Variants in ATP2A1 observed in about 807,000 individuals in gnomAD.
The protein encoded by ATP2A1 is ATPase sarcoplasmic/endoplasmic reticulum Ca2+ transporting 1.
ATP2A1 carries 83 observed loss-of-function variants against 109.5 expected under a neutral mutation model. The observed-to-expected ratio is 0.76, with a 90% CI of 0.63 to 0.91. ATP2A1 has a LOEUF of 0.91. Ranked by LOEUF, ATP2A1 falls within the 40% of genes least tolerant of loss-of-function variation. The pLI is 0.00. For synonymous variants in ATP2A1, 505 were observed against 537.6 expected, an observed-to-expected ratio of 0.94 and a Z score of 0.84; for missense variants, 1,101 against 1,341.0, an observed-to-expected ratio of 0.82 and a Z score of 2.80.
Position 28,902,886 on chromosome 16 carries a change from A to G in ATP2A1, c.2719A>G (p.Ile907Val). 1.2e-6 allele frequency: 2 copies of G among 1,613,780 alleles called. No individual in the cohort carries two copies. Among genetic ancestry groups the G allele is most frequent in the Non-Finnish European group, 1.7e-6 (2 of 1,179,930 alleles). ...MTMALSVLVTIEMCNALNSLS... is the reference protein window; with the variant it reads ...MTMALSVLVTVEMCNALNSLS... Reference sequence around the variant, plus strand: ...CATGGCCCTGTCCGTGCTGGTGACCATCGAGATGTGCAATGCACTGAACAG... The same window carrying G: ...CATGGCCCTGTCCGTGCTGGTGACCGTCGAGATGTGCAATGCACTGAACAG... The change falls in exon 19 of 23, where the codon ATC becomes GTC. Residue 907 changes from isoleucine (I) to valine (V), a missense_variant. Physicochemically the swap from Ile to Val is conservative, Grantham distance 29. Coordinates refer to ENST00000395503, the MANE Select transcript of ATP2A1 (RefSeq NM_004320.6). This position sits in a 1 kb window ranked among gnomAD's most constrained non-coding sequence, Gnocchi z 4.8.
Position 28,903,035 on chromosome 16 carries a change from C to A in ATP2A1, c.2750C>A (p.Ser917Tyr). 6.2e-7 allele frequency: 1 copy of A among 1,613,882 alleles called. No individual in the cohort carries two copies. Residue 917 changes from serine (S) to tyrosine (Y), a missense_variant, in exon 20 of 23, where the codon TCC becomes TAC. Physicochemically the swap from Ser to Tyr is moderately radical, Grantham distance 144. Coordinates refer to ENST00000395503, the MANE Select transcript of ATP2A1 (RefSeq NM_004320.6). The surrounding 1 kb of genome is among the most constrained non-coding windows in gnomAD (Gnocchi z 5.6). ...IEMCNALNSL[S>Y]ENQSLLRMPP... ...CCTCCCCTTCCCCTCTGCAGCCTGTCCGAGAACCAGTCCCTGCTGCGGATG... is the reference window on the plus strand; with the variant it reads ...CCTCCCCTTCCCCTCTGCAGCCTGTACGAGAACCAGTCCCTGCTGCGGATG...
At chr16:28,900,960 G>A in intron 15 of ATP2A1, 44 bp downstream of exon 15, 3 of 1,609,768 alleles carry the variant, frequency 1.9e-6, no homozygotes, top group Non-Finnish European at 2.5e-6. Context: ...CCACGGAGAT[G>A]ACCAGATGAC....
chr16:28,902,787 A>T lies in ATP2A1; in HGVS notation c.2620A>T (p.Met874Leu). The T allele has an allele frequency of 6.2e-7, 1 of 1,613,704 alleles. No individual in the cohort carries two copies. The highest frequency in any genetic ancestry group is 8.5e-7 in the Non-Finnish European group (1 of 1,179,880). ...HVNYSQLTHF[M>L]QCTEDNTHFE... ...CGTACCTTCCCTGCAGACTCACTTC[A>T]TGCAGTGCACCGAGGACAACACCCA... The change falls in exon 19 of 23, where the codon ATG (methionine) becomes TTG (leucine). Residue 874 changes from methionine (M) to leucine (L), a missense_variant. Transcript: ENST00000395503. This position sits in a 1 kb window ranked among gnomAD's most constrained non-coding sequence, Gnocchi z 4.8.
intron 9 of ATP2A1, among the ~76,000 whole-genome samples, chr16:28,890,333 G>A (rs571558497): frequency 1.1e-4 from 17 of 150,728 alleles, no homozygotes; most frequent in African/African-American, 3.9e-4. Flanking sequence ...TGATGTGGTG[G>A]TGCACACTTG....
In ATP2A1 at chr16:28,903,102, C is replaced by T; in HGVS notation, c.2817C>T (p.Leu939=). 6.2e-7 allele frequency: 1 copy of T among 1,613,846 alleles called. No homozygotes were observed. Among genetic ancestry groups the T allele is most frequent in the Non-Finnish European group, 8.5e-7 (1 of 1,180,016 alleles). ...VNIWLLGSIC[L]SMSLHFLILY... Reference sequence around the variant, plus strand: ...TCTGGCTGCTGGGCTCCATCTGCCTCTCCATGTCCCTGCACTTCCTCATCC... The same window carrying T: ...TCTGGCTGCTGGGCTCCATCTGCCTTTCCATGTCCCTGCACTTCCTCATCC... The change falls in exon 20 of 23, where the codon CTC becomes CTT. Residue 939 remains leucine, a synonymous_variant. Coordinates refer to ENST00000395503, the MANE Select transcript of ATP2A1 (RefSeq NM_004320.6). The surrounding 1 kb of genome is among the most constrained non-coding windows in gnomAD (Gnocchi z 5.6).
intron 8 of ATP2A1, among the ~76,000 whole-genome samples, chr16:28,888,494 G>A (rs1027984360): frequency 2.0e-5 from 3 of 151,970 alleles, no homozygotes; most frequent in Admixed American, 6.6e-5. Flanking sequence ...CTGTAATCTC[G>A]AACTCCTGGA....
intron 2 of ATP2A1, 192 bp from the exon 3 acceptor site, chr16:28,879,309 C>T (rs1323084524): frequency 4.7e-6 from 4 of 851,974 alleles, no homozygotes; most frequent in African/African-American, 1.7e-5. Context: ...GCAGCCAACC[C>T]TTGAACTGCC....
In ATP2A1 at chr16:28,903,542, C is replaced by T; in HGVS notation, c.2980+102C>T. On this transcript the variant is annotated intron_variant, in intron 21 of 22. Coordinates refer to ENST00000395503, the MANE Select transcript of ATP2A1 (RefSeq NM_004320.6). The surrounding 1 kb of genome is among the most constrained non-coding windows in gnomAD (Gnocchi z 5.6). Reference sequence around the variant, plus strand: ...CGTACTTTGCAGGTGGTAAGTTTCTCAGCCCTGGCAGGACCTGTGTCCGCC... The same window carrying T: ...CGTACTTTGCAGGTGGTAAGTTTCTTAGCCCTGGCAGGACCTGTGTCCGCC... 1 of 1,232,754 alleles carries T rather than the reference C, an allele frequency of 8.1e-7. No homozygotes were observed. Among genetic ancestry groups the T allele is most frequent in the Non-Finnish European group, 1.2e-6 (1 of 848,318 alleles). The allele number at this position is 1,232,754 out of a possible 1,614,324, so 76.4% of individuals were successfully genotyped here. A position where few individuals can be genotyped will look rare whatever the true frequency, so the allele number is the denominator to read the frequency against.
At position 28,879,559 on chromosome 16, in the gene ATP2A1, C is replaced by A. The variant is rs1555514587; in HGVS notation, c.195C>A (p.Leu65=). ...EQFEDLLVRI[L]LLAACISFVL... is the part of the protein sequence containing the mutation. ...TTGAAGACCTCCTGGTGCGGATTCT[C>A]CTCCTGGCCGCATGCATTTCCTTCG... The change falls in exon 3 of 23, where the codon CTC becomes CTA. Residue 65 remains leucine (L), a synonymous_variant. Transcript: ENST00000395503. 6.2e-7 allele frequency: 1 copy of A among 1,614,096 alleles called. No individual in the cohort carries two copies. The highest frequency in any genetic ancestry group is 1.6e-4 in the Middle Eastern group (1 of 6,062).
Position 28,880,767 on chromosome 16 carries a change from G to T in ATP2A1, c.220-148G>T, listed in dbSNP as rs1963446685. On this transcript the variant is annotated intron_variant, in intron 3 of 22. Coordinates refer to ENST00000395503, the MANE Select transcript of ATP2A1 (RefSeq NM_004320.6). This position sits in a 1 kb window ranked among gnomAD's most constrained non-coding sequence, Gnocchi z 4.2. The stretch of plus-strand genomic sequence containing the variant: ...TGGATGGACAGACCCTCAGACGGAT[G>T]TGGGGCCACAGCGCCCCGACGGTGC... 1 of 760,268 alleles carries T rather than the reference G, an allele frequency of 1.3e-6. No homozygotes were observed. 47.1% of individuals were successfully genotyped at this position (760,268 alleles called of 1,614,324 possible).
rs1963447291 is a variant in ATP2A1 at position 28,880,779 on chromosome 16, C to A, written c.220-136C>A. 3 of 814,022 alleles carry A rather than the reference C, an allele frequency of 3.7e-6. No individual in the cohort carries two copies. The highest frequency in any genetic ancestry group is 2.6e-5 in the East Asian group (1 of 38,740). 50.4% of individuals were successfully genotyped at this position (814,022 alleles called of 1,614,324 possible). A position where few individuals can be genotyped will look rare whatever the true frequency, so the allele number is the denominator to read the frequency against. ...CCCTCAGACGGATGTGGGGCCACAG[C>A]GCCCCGACGGTGCCCGGCCCTCCTG... On this transcript the variant is annotated intron_variant, in intron 3 of 22. Coordinates refer to ENST00000395503, the MANE Select transcript of ATP2A1 (RefSeq NM_004320.6). The surrounding 1 kb of genome is among the most constrained non-coding windows in gnomAD (Gnocchi z 4.2).
rs1299310866 is a variant in ATP2A1 at position 28,900,629 on chromosome 16, A to G, written c.1813A>G (p.Lys605Glu). 3 of 1,597,586 alleles carry G rather than the reference A, an allele frequency of 1.9e-6. No individual in the cohort carries two copies. The highest frequency in any genetic ancestry group is 2.3e-5 in the South Asian group (2 of 88,748). ...AGTGGGCATGCTGGACCCTCCGCGC[A>G]AGGAGGTCACGGGCTCCATCCAGCT... is the stretch of plus-strand genomic sequence containing the variant. Reference protein sequence around the residue: ...GVVGMLDPPRKEVTGSIQLCR... With the variant: ...GVVGMLDPPREEVTGSIQLCR... The change falls in exon 15 of 23, where the codon AAG becomes GAG. Residue 605 changes from lysine (K) to glutamate (E), a missense_variant. Coordinates refer to ENST00000395503, the MANE Select transcript of ATP2A1 (RefSeq NM_004320.6).
Position 28,903,793 on chromosome 16 carries a change from G to A in ATP2A1, c.*37+52G>A, listed in dbSNP as rs1435501176. The A allele has an allele frequency of 4.7e-6, 7 of 1,497,396 alleles. No homozygotes were observed. The highest frequency in any genetic ancestry group is 1.4e-5 in the African/African-American group (1 of 72,446). 92.8% of individuals were successfully genotyped at this position (1,497,396 alleles called of 1,614,324 possible). ...CAGCTGCTGTGCCCCTGCCACCCGC[G>A]CCCCCTCAGCCCCTTGCGCGTCGCA... is the stretch of plus-strand genomic sequence containing the variant. On this transcript the variant is annotated intron_variant, in intron 22 of 22. Coordinates refer to ENST00000395503, the MANE Select transcript of ATP2A1 (RefSeq NM_004320.6). The surrounding 1 kb of genome is among the most constrained non-coding windows in gnomAD (Gnocchi z 5.6).
At position 28,888,428 on chromosome 16, in the gene ATP2A1, G is replaced by C. The variant is rs146561236; in HGVS notation, c.929-359G>C. On this transcript the variant is annotated intron_variant, in intron 8 of 22. Transcript: ENST00000395503. ...CATTATTGTTTGTTTGTTTAATAGA[G>C]ACAGAGTCTCACTCTTGTTGCCCAG... Among the ~76,000 whole-genome samples the C allele has an allele frequency of 1.9e-3, 288 of 151,920 alleles. 2 individuals carry two copies. The highest frequency in any genetic ancestry group is 3.4e-3 in the Non-Finnish European group (229 of 67,896).
intron 9 of ATP2A1, 126 bp from the exon 10 acceptor site, chr16:28,894,026 TGAG>T (rs1963848800): frequency 1.4e-6 from 1 of 738,944 alleles, no homozygotes; most frequent in Non-Finnish European, 2.4e-6. Flanking sequence ...ACGGGGGGGA[TGAG>T]GAGGGGTGAG....
At chr16:28,890,254 A>G (rs1006863414) in intron 9 of ATP2A1, among the ~76,000 whole-genome samples, 2 of 150,068 alleles carry the variant, frequency 1.3e-5, no homozygotes, top group Admixed American at 1.3e-4. Flanking sequence ...CAGGAATTCG[A>G]GACCAGCCTA....
At position 28,887,224 on chromosome 16, in the gene ATP2A1, G is replaced by T. The variant is rs201515814; in HGVS notation, c.580G>T (p.Val194Phe). 13 of 1,613,600 alleles carry T rather than the reference G, an allele frequency of 8.1e-6. No homozygotes were observed. Among genetic ancestry groups the T allele is most frequent in the Middle Eastern group, 1.6e-4 (1 of 6,084 alleles). Residue 194 changes from valine to phenylalanine, a missense_variant, in exon 7 of 23, where the codon GTT becomes TTT. Transcript: ENST00000395503. ...ATCTGTCATCAAACACACGGAGCCC[G>T]TTCCTGACCCCCGAGCTGTCAACCA... The part of the protein sequence containing the change: ...SVSVIKHTEP[V>F]PDPRAVNQDK...
chr16:28,904,353 G>C lies in ATP2A1; in HGVS notation c.*211G>C. On this transcript the variant is annotated 3_prime_UTR_variant, in exon 23 of 23. Transcript: ENST00000395503. ...CCCTTTCCTTCCCCCTCGGCCACCC[G>C]CCTCCCTCTCAACCTTGTAAATTCC... is the stretch of plus-strand genomic sequence containing the variant. The C allele has an allele frequency of 1.9e-6, 3 of 1,544,448 alleles. No homozygotes were observed.
In ATP2A1 at chr16:28,889,138, C is replaced by G. The variant is rs112454622; in HGVS notation, c.1095+185C>G. ...GGGATCAGAGAGGACCCTTGTGCCC[C>G]AGCCAGACAGCTCACTCTGACCACC... On this transcript the variant is annotated intron_variant, in intron 9 of 22. Transcript: ENST00000395503. Among the ~76,000 whole-genome samples, 1,399 of 152,252 alleles carry G rather than the reference C, an allele frequency of 9.2e-3. 22 individuals carry two copies. Among genetic ancestry groups the G allele is most frequent in the African/African-American group, 0.032 (1,344 of 41,530 alleles).
Sources: gnomAD v4.1 joint callset for allele counts (sites outside exome capture counted in the v4.1 genomes callset) on GRCh38, gnomAD v4.1.1 for gene constraint, Gnocchi (gnomAD v3.1) non-coding constraint, MANE v1.5 for transcripts, NCBI Gene and HGNC (gene_info 2026-07-23, HGNC 2026-07-21) for gene names.